Variants in GHR observed in about 807,000 individuals in gnomAD.
The protein encoded by GHR is growth hormone receptor.
In GHR, 35 loss-of-function variants were observed where a neutral mutation model predicts 67.1. The observed-to-expected ratio is 0.52, with a 90% confidence interval of 0.40 to 0.69. GHR has a LOEUF of 0.69. Among genes scored for constraint, GHR ranks in the 30% least tolerant of loss-of-function variants. The pLI, the probability that GHR is intolerant of heterozygous loss-of-function variation, is 0.00. For missense variants in GHR, 792 were observed against 764.6 expected, an observed-to-expected ratio of 1.04 and a Z score of -0.42; for synonymous variants, 272 against 269.1, an observed-to-expected ratio of 1.01 and a Z score of -0.10.
chr5:42,483,931 T>A (rs577150229), intron 1 of GHR, among the ~76,000 whole-genome samples: 11 of 152,182 alleles, frequency 7.2e-5, no homozygotes, highest in Non-Finnish European at 1.5e-4. Flanking sequence ...TGACTCTGAT[T>A]TTTATCTTGT....
At position 42,533,004 on chromosome 5, in the gene GHR, T is replaced by C. The variant is rs538298014; in HGVS notation, c.-11-32860T>C. Among the ~76,000 whole-genome samples the C allele has an allele frequency of 3.3e-5, 5 of 152,298 alleles. No homozygotes were observed. In the East Asian group the frequency reaches 7.7e-4, roughly 24 times the overall value. On this transcript the variant is annotated intron_variant, in intron 1 of 9. Coordinates refer to ENST00000230882, the MANE Select transcript of GHR (RefSeq NM_000163.5). ...TATGTACAATTGCATGTCTATTAGA[T>C]ATGCCAAATTGCTCTGCAAAGTACT...
intron 5 of GHR, among the ~76,000 whole-genome samples, chr5:42,695,573 A>G (rs1757637853): frequency 6.6e-6 from 1 of 152,210 alleles, no homozygotes; most frequent in Admixed American, 6.5e-5. Context: ...AAACAGCCAC[A>G]GTTACTTTAA....
chr5:42,606,512 G>A (rs1397936296), intron 2 of GHR, among the ~76,000 whole-genome samples: 1 of 152,124 alleles, frequency 6.6e-6, no homozygotes, highest in Non-Finnish European at 1.5e-5. Flanking sequence ...GAAAGAAAGA[G>A]GAGAAGGTGC....
intron 1 of GHR, among the ~76,000 whole-genome samples, chr5:42,438,694 C>G (rs1743440663): frequency 6.6e-6 from 1 of 152,150 alleles, no homozygotes; most frequent in African/African-American, 2.4e-5. Flanking sequence ...ACTGAAGCCT[C>G]TTGACCACAG....
intron 1 of GHR, among the ~76,000 whole-genome samples, chr5:42,480,126 G>A (rs556599250): frequency 6.6e-6 from 1 of 152,194 alleles, no homozygotes; most frequent in Admixed American, 6.5e-5. Flanking sequence ...CTTTATTTCT[G>A]CCTTCATTTT....
At chr5:42,601,130 T>C (rs1385024217) in intron 2 of GHR, among the ~76,000 whole-genome samples, 1 of 151,970 alleles carries the variant, frequency 6.6e-6, no homozygotes, top group African/African-American at 2.4e-5. Context: ...TTTCATCATA[T>C]TGGTCAGGCT....
At chr5:42,599,058 T>A (rs1015775890) in intron 2 of GHR, among the ~76,000 whole-genome samples, 1 of 152,218 alleles carries the variant, frequency 6.6e-6, no homozygotes, top group Non-Finnish European at 1.5e-5. Context: ...ATTTTGTAGT[T>A]AGAAAAAAAG....
intron 3 of GHR, among the ~76,000 whole-genome samples, chr5:42,653,020 G>A (rs981647429): frequency 6.6e-6 from 1 of 152,054 alleles, no homozygotes; most frequent in African/African-American, 2.4e-5. Context: ...CTTTACAAAA[G>A]GATTACGATC....
chr5:42,483,836 G>C (rs964824362), intron 1 of GHR, among the ~76,000 whole-genome samples: 3 of 152,216 alleles, frequency 2.0e-5, no homozygotes, highest in Admixed American at 2.0e-4. Flanking sequence ...CTCTCATTCT[G>C]TTAGGGTGAA....
At chr5:42,628,375 A>G (rs1301418594) in intron 2 of GHR, among the ~76,000 whole-genome samples, 5 of 142,542 alleles carry the variant, frequency 3.5e-5, no homozygotes, top group Admixed American at 3.4e-4. Flanking sequence ...TCTCCTGTCC[A>G]TATCACCAGT....
At chr5:42,506,599 G>A (rs971569911) in intron 1 of GHR, among the ~76,000 whole-genome samples, 9 of 152,122 alleles carry the variant, frequency 5.9e-5, no homozygotes, top group African/African-American at 2.2e-4. Flanking sequence ...ACTTTTAACA[G>A]GAATATATTT....
At chr5:42,660,018 T>C (rs1019232323) in intron 3 of GHR, among the ~76,000 whole-genome samples, 1 of 152,122 alleles carries the variant, frequency 6.6e-6, no homozygotes, top group African/African-American at 2.4e-5. Flanking sequence ...AGCACAGCAG[T>C]CTGAGATCAA....
At chr5:42,635,815 A>G (rs1754150212) in intron 3 of GHR, among the ~76,000 whole-genome samples, 1 of 152,162 alleles carries the variant, frequency 6.6e-6, no homozygotes, top group African/African-American at 2.4e-5. Flanking sequence ...GTAAACATAT[A>G]CTGAGGTCTT....
At chr5:42,608,093 C>T (rs1314475541) in intron 2 of GHR, among the ~76,000 whole-genome samples, 1 of 152,184 alleles carries the variant, frequency 6.6e-6, no homozygotes, top group Admixed American at 6.5e-5. Context: ...GAGCAAATCA[C>T]TTCATCTCCT....
At chr5:42,711,475 T>A in intron 7 of GHR, 103 bp downstream of exon 7, 1 of 810,254 alleles carries the variant, frequency 1.2e-6, no homozygotes, top group Non-Finnish European at 2.2e-6. Context: ...TCAAAATATA[T>A]TAACATCAGA....
intron 3 of GHR, among the ~76,000 whole-genome samples, chr5:42,655,348 T>G (rs545332690): frequency 5.3e-5 from 8 of 152,298 alleles, no homozygotes; most frequent in Admixed American, 3.9e-4. Flanking sequence ...CCCAGGGCTC[T>G]GCCTTGGATT....
At chr5:42,504,994 A>G (rs1488869887) in intron 1 of GHR, among the ~76,000 whole-genome samples, 1 of 152,304 alleles carries the variant, frequency 6.6e-6, no homozygotes, top group African/African-American at 2.4e-5. Flanking sequence ...TTAACCTTAA[A>G]CAAAGTCACA....
chr5:42,646,868 A>G (rs1754757975), intron 3 of GHR, among the ~76,000 whole-genome samples: 1 of 152,142 alleles, frequency 6.6e-6, no homozygotes, highest in Admixed American at 6.6e-5. Flanking sequence ...CCAGACTGGG[A>G]ATCGTGACTT....
chr5:42,524,795 C>T (rs1747635880), intron 1 of GHR, among the ~76,000 whole-genome samples: 1 of 152,224 alleles, frequency 6.6e-6, no homozygotes. Flanking sequence ...GTCCCACCTG[C>T]TCCAGCTGTG....
Sources: gnomAD v4.1 joint callset for allele counts (sites outside exome capture counted in the v4.1 genomes callset) on GRCh38, gnomAD v4.1.1 for gene constraint, MANE v1.5 for transcripts, NCBI Gene and HGNC (gene_info 2026-07-23, HGNC 2026-07-21) for gene names.